Variants in GPC6 observed in about 807,000 individuals in gnomAD.
GPC6 encodes the protein glypican 6, also known as glypican-6.
Under a neutral mutation model 55.2 loss-of-function variants are expected in GPC6, and 14 were observed. The ratio of observed to expected loss-of-function variants is 0.25; its 90% CI spans 0.17 to 0.40. GPC6 has a LOEUF of 0.40. Ranked by LOEUF, GPC6 falls within the 10% of genes least tolerant of loss-of-function variation. GPC6 has a pLI of 1.00. For synonymous variants in GPC6, 278 were observed against 259.6 expected (o/e 1.07, Z -0.68); for missense variants, 641 against 708.5 (o/e 0.90, Z 1.08).
rs1311968004 is a variant in GPC6 at position 93,661,926 on chromosome 13, TGG to T, written c.319+116507_319+116508del. On this transcript the variant is annotated intron_variant, in intron 2 of 8. Coordinates refer to ENST00000377047, the MANE Select transcript of GPC6 (RefSeq NM_005708.5). ...GATAACTCCAGAGTTCTTTTGTGCC[TGG>T]GCCAGCTATTTTTCAATGAGAGTAG... Among the ~76,000 whole-genome samples, 3 of 152,180 alleles carry T rather than the reference TGG, an allele frequency of 2.0e-5. No homozygotes were observed. The East Asian group carries it at 5.8e-4, about 29-fold the overall frequency.
chr13:93,809,353 A>C (rs1374534036), intron 2 of GPC6, among the ~76,000 whole-genome samples: 1 of 152,184 alleles, frequency 6.6e-6, no homozygotes, highest in African/African-American at 2.4e-5. Flanking sequence ...CATTTCAGTT[A>C]AGACTTTCTT....
chr13:93,545,544 A>C, intron 2 of GPC6, 123 bp downstream of exon 2: 5 of 826,540 alleles, frequency 6.0e-6, no homozygotes, highest in Non-Finnish European at 8.1e-6. Context: ...TATTTATAGC[A>C]TTGTCTATTT....
At chr13:93,854,362 A>T (rs1888524888) in intron 3 of GPC6, among the ~76,000 whole-genome samples, 1 of 151,698 alleles carries the variant, frequency 6.6e-6, no homozygotes, top group African/African-American at 2.4e-5. Flanking sequence ...TATTTGATTT[A>T]TTTAAAGATA....
In GPC6 at chr13:93,667,529, T is replaced by A. The variant is rs149301644; in HGVS notation, c.319+122108T>A. Among the ~76,000 whole-genome samples the A allele has an allele frequency of 4.9e-3, 750 of 151,808 alleles. 6 individuals are homozygous for A. The highest frequency in any genetic ancestry group is 0.017 in the African/African-American group (691 of 41,348). On this transcript the variant is annotated intron_variant, in intron 2 of 8. Transcript: ENST00000377047. The stretch of plus-strand genomic sequence containing the variant: ...TTCACTGCAACCTTCGCCTCACAGG[T>A]TCAAGTGATTCTCCTGCCTTAGCCT...
Position 94,084,318 on chromosome 13 carries a change from T to C in GPC6, c.877+56424T>C, listed in dbSNP as rs562956615. Among the ~76,000 whole-genome samples the C allele has an allele frequency of 5.9e-5, 9 of 152,322 alleles. No homozygotes were observed. In the South Asian group the frequency reaches 1.0e-3, roughly 18 times the overall value. On this transcript the variant is annotated intron_variant, in intron 4 of 8. Coordinates refer to ENST00000377047, the MANE Select transcript of GPC6 (RefSeq NM_005708.5). ...CTGCTGAACCCAAATTCTTTCTCTA[T>C]GTGCTTCTCCCTTCTACACAGTGTT... is the stretch of plus-strand genomic sequence containing the variant.
chr13:93,711,666 C>A (rs1442521142), intron 2 of GPC6, among the ~76,000 whole-genome samples: 2 of 151,552 alleles, frequency 1.3e-5, no homozygotes. Context: ...TTCTAGCCAC[C>A]AGATTAAGTC....
chr13:94,068,621 T>C (rs1884621120), intron 4 of GPC6, among the ~76,000 whole-genome samples: 1 of 152,196 alleles, frequency 6.6e-6, no homozygotes, highest in African/African-American at 2.4e-5. Flanking sequence ...GTTAGTTACT[T>C]CCTAGATACA....
intron 2 of GPC6, among the ~76,000 whole-genome samples, chr13:93,667,298 A>C (rs1411193539): frequency 6.6e-6 from 1 of 152,180 alleles, no homozygotes; most frequent in Non-Finnish European, 1.5e-5. Flanking sequence ...TCAAATTTTT[A>C]ATGATATAGA....
chr13:93,593,770 T>A (rs983364268), intron 2 of GPC6, among the ~76,000 whole-genome samples: 5 of 152,120 alleles, frequency 3.3e-5, no homozygotes, highest in Admixed American at 6.6e-5. Context: ...TATCAAAATA[T>A]CTTAAATCAT....
intron 3 of GPC6, among the ~76,000 whole-genome samples, chr13:93,863,033 C>T (rs1888861926): frequency 6.6e-6 from 1 of 151,684 alleles, no homozygotes; most frequent in South Asian, 2.1e-4. Context: ...GGATATGTCC[C>T]TTCCAGTTTT....
chr13:93,402,509 T>G lies in GPC6; in HGVS notation c.161-142754T>G, dbSNP rs150428596. Among the ~76,000 whole-genome samples the G allele has an allele frequency of 1.1e-4, 16 of 152,282 alleles. No homozygotes were observed. The East Asian group carries it at 2.7e-3, about 26-fold the overall frequency. On this transcript the variant is annotated intron_variant, in intron 1 of 8. Coordinates refer to ENST00000377047, the MANE Select transcript of GPC6 (RefSeq NM_005708.5). Reference sequence around the variant, plus strand: ...CAATGAAATGTAAAGTTAGCTGCATTTGATGCATGAAATATATTCAGTTTT... The same window carrying G: ...CAATGAAATGTAAAGTTAGCTGCATGTGATGCATGAAATATATTCAGTTTT...
intron 2 of GPC6, among the ~76,000 whole-genome samples, chr13:93,757,811 A>C (rs879743442): frequency 2.0e-5 from 3 of 152,126 alleles, no homozygotes; most frequent in Non-Finnish European, 4.4e-5. Context: ...CCACCTATGA[A>C]TGCTTCACAT....
At chr13:93,234,432 G>C (rs1339581378) in intron 1 of GPC6, among the ~76,000 whole-genome samples, 2 of 152,086 alleles carry the variant, frequency 1.3e-5, no homozygotes, top group Non-Finnish European at 2.9e-5. Context: ...ACAAGCTGTT[G>C]AATAAGTGTT....
chr13:93,955,400 A>G (rs555403434), intron 3 of GPC6, among the ~76,000 whole-genome samples: 1 of 152,062 alleles, frequency 6.6e-6, no homozygotes, highest in East Asian at 1.9e-4. Flanking sequence ...AGCTTCAAAG[A>G]AAACAGAGTT....
At chr13:94,354,789 G>C (rs1878712368) in intron 6 of GPC6, among the ~76,000 whole-genome samples, 1 of 152,258 alleles carries the variant, frequency 6.6e-6, no homozygotes, top group African/African-American at 2.4e-5. Context: ...CTTACAAATT[G>C]TCAGCCATCA....
At chr13:93,612,273 G>C (rs761291829) in intron 2 of GPC6, among the ~76,000 whole-genome samples, 2 of 152,204 alleles carry the variant, frequency 1.3e-5, no homozygotes, top group Non-Finnish European at 2.9e-5. Flanking sequence ...GCCGAGGCGT[G>C]CGGATCACGA....
At chr13:93,331,544 T>G (rs973410244) in intron 1 of GPC6, among the ~76,000 whole-genome samples, 1 of 152,192 alleles carries the variant, frequency 6.6e-6, no homozygotes, top group Non-Finnish European at 1.5e-5. Context: ...TTATCTTATA[T>G]AAGCATATGC....
chr13:94,272,623 C>T (rs1056394001), intron 4 of GPC6, among the ~76,000 whole-genome samples: 2 of 151,774 alleles, frequency 1.3e-5, no homozygotes, highest in Non-Finnish European at 2.9e-5. Flanking sequence ...CGCCCGCCAC[C>T]ACGCCCGGCT....
At chr13:93,351,135 A>C (rs115785877) in intron 1 of GPC6, among the ~76,000 whole-genome samples, 1 of 152,328 alleles carries the variant, frequency 6.6e-6, no homozygotes, top group African/African-American at 2.4e-5. Flanking sequence ...CAGTGGTATT[A>C]TGCTTAAAAA....
Sources: allele counts gnomAD v4.1 joint callset (sites outside exome capture counted in the v4.1 genomes callset), GRCh38; gene constraint gnomAD v4.1.1; transcripts MANE v1.5; gene names NCBI Gene and HGNC (gene_info 2026-07-23, HGNC 2026-07-21).